HDAC11: variants seen among roughly 807,000 people sequenced by gnomAD.
HDAC11 encodes the protein histone deacetylase 11.
Under a neutral mutation model 41.1 loss-of-function variants are expected in HDAC11, and 23 were observed. The ratio of observed to expected loss-of-function variants is 0.56; its 90% CI spans 0.40 to 0.79. HDAC11 has a LOEUF of 0.79. HDAC11 is among the 30% of genes least tolerant of loss of function. The probability of loss-of-function intolerance (pLI) is 0.00; values close to 1 mark genes in which losing one functional copy is unlikely to be tolerated. For missense variants in HDAC11, 402 were observed against 477.3 expected (o/e 0.84, Z 1.47); for synonymous variants, 187 against 186.6 (o/e 1.00, Z -0.02).
chr3:13,496,527 ACTG>A, intron 3 of HDAC11: 1 of 490,266 alleles, frequency 2.0e-6, no homozygotes, highest in African/African-American at 2.0e-5. Context: ...CATTGTGTAA[ACTG>A]CTCTTTACTG....
At chr3:13,492,807 G>T (rs1701926835) in intron 3 of HDAC11, among the ~76,000 whole-genome samples, 1 of 152,166 alleles carries the variant, frequency 6.6e-6, no homozygotes, top group Admixed American at 6.5e-5. Flanking sequence ...GCCTCCCAAA[G>T]TTCTGGGATT....
At chr3:13,496,996 C>T (rs1481207716) in intron 4 of HDAC11, 144 bp downstream of exon 4, 2 of 512,172 alleles carry the variant, frequency 3.9e-6, no homozygotes, top group South Asian at 3.0e-5. Flanking sequence ...AACAATGACC[C>T]TTTCTCCAAA....
At chr3:13,481,215 A>T (rs757324125) in intron 1 of HDAC11, 31 bp from the exon 2 acceptor site, 2 of 1,602,546 alleles carry the variant, frequency 1.2e-6, no homozygotes, top group Non-Finnish European at 1.7e-6. Flanking sequence ...AGGCTGCCCC[A>T]GCTGTGCGTC....
At position 13,481,312 on chromosome 3, in the gene HDAC11, C is replaced by A. The variant is rs202185719; in HGVS notation, c.69C>A (p.Arg23=). The change falls in exon 2 of 10, where the codon CGC becomes CGA. Residue 23 remains arginine, a synonymous_variant. Coordinates refer to ENST00000295757, the MANE Select transcript of HDAC11 (RefSeq NM_024827.4). ...GCTGGCCAATCGTGTACTCGCCGCGCTACAACATCACCTTCATGGGCCTGG... is the reference window on the plus strand; with the variant it reads ...GCTGGCCAATCGTGTACTCGCCGCGATACAACATCACCTTCATGGGCCTGG... ...ETRWPIVYSP[R]YNITFMGLEK... is the part of the protein sequence containing the mutation. 1.3e-5 allele frequency: 21 copies of A among 1,613,702 alleles called. No homozygotes were observed. In the East Asian group the frequency reaches 4.2e-4, roughly 33 times the overall value.
chr3:13,501,736 T>C, intron 6 of HDAC11, 135 bp from the exon 7 acceptor site: 1 of 779,828 alleles, frequency 1.3e-6, no homozygotes, highest in African/African-American at 1.7e-5. Context: ...GCAAGTGACA[T>C]CTTTGCTGGG....
Position 13,480,428 on chromosome 3 carries a change from G to T in HDAC11, c.2+79G>T, listed in dbSNP as rs1418080005. The T allele has an allele frequency of 2.2e-6, 2 of 903,906 alleles. No individual in the cohort carries two copies. Among genetic ancestry groups the T allele is most frequent in the Non-Finnish European group, 1.4e-6 (1 of 700,780 alleles). 56.0% of individuals were successfully genotyped at this position (903,906 alleles called of 1,614,324 possible). A position where few individuals can be genotyped will look rare whatever the true frequency, so the allele number is the denominator to read the frequency against. On this transcript the variant is annotated intron_variant, in intron 1 of 9. Coordinates refer to ENST00000295757, the MANE Select transcript of HDAC11 (RefSeq NM_024827.4). This position sits in a 1 kb window ranked among gnomAD's most constrained non-coding sequence, Gnocchi z 4.6. ...GGCGCGCTAGGGCGAGGGCGGGGACGGCCGGGCGGGCGCGCCAGGTAAGGG... is the reference window on the plus strand; with the variant it reads ...GGCGCGCTAGGGCGAGGGCGGGGACTGCCGGGCGGGCGCGCCAGGTAAGGG...
intron 3 of HDAC11, among the ~76,000 whole-genome samples, chr3:13,490,854 G>A (rs1206765806): frequency 2.1e-5 from 3 of 141,694 alleles, no homozygotes; most frequent in African/African-American, 5.2e-5. Context: ...AGGTTCAAGC[G>A]ATTTTTCTGC....
In HDAC11 at chr3:13,502,679, C is replaced by T; in HGVS notation, c.553-205C>T. On this transcript the variant is annotated intron_variant, in intron 7 of 9. Transcript: ENST00000295757. The surrounding 1 kb of genome is among the most constrained non-coding windows in gnomAD (Gnocchi z 4.1). ...AGGGAACCTAAGAGCACTGGGCTTG[C>T]TCAAGCCCATGCTAGAAGGTGTCGG... 1.8e-6 allele frequency: 1 copy of T among 540,690 alleles called. No homozygotes were observed. The highest frequency in any genetic ancestry group is 3.3e-5 in the East Asian group (1 of 30,710). The allele number at this position is 540,690 out of a possible 1,614,324, so 33.5% of individuals were successfully genotyped here.
chr3:13,500,804 A>C lies in HDAC11; in HGVS notation c.489+15A>C. 8 of 1,519,906 alleles carry C rather than the reference A, an allele frequency of 5.3e-6. No homozygotes were observed. The highest frequency in any genetic ancestry group is 7.1e-6 in the Non-Finnish European group (8 of 1,125,630). 94.2% of individuals were successfully genotyped at this position (1,519,906 alleles called of 1,614,324 possible). Reference sequence around the variant, plus strand: ...TCGCCATCAAGGTGTGTCTATGAGCAAGTGGGGTCTCGCCTCCAAGAGCCC... The same window carrying C: ...TCGCCATCAAGGTGTGTCTATGAGCCAGTGGGGTCTCGCCTCCAAGAGCCC... On this transcript the variant is annotated intron_variant, in intron 6 of 9. Coordinates refer to ENST00000295757, the MANE Select transcript of HDAC11 (RefSeq NM_024827.4).
chr3:13,504,530 T>C lies in HDAC11; in HGVS notation c.891T>C (p.Leu297=), dbSNP rs779780379. The C allele has an allele frequency of 6.2e-7, 1 of 1,613,554 alleles. No individual in the cohort carries two copies. The highest frequency in any genetic ancestry group is 8.5e-7 in the Non-Finnish European group (1 of 1,180,020). ...TCCGTGGCCGCCGGGTGCCCATCCT[T>C]ATGGTGACCTCAGGCGGGTACCAGA... The part of the protein sequence containing the change: ...RMVRGRRVPI[L]MVTSGGYQKR... Residue 297 remains leucine (L), a synonymous_variant, in exon 10 of 10, where the codon CTT becomes CTC. Transcript: ENST00000295757.
At position 13,502,131 on chromosome 3, in the gene HDAC11, TCCTC is replaced by T; in HGVS notation, c.552+208_552+211del. 3 of 572,520 alleles carry T rather than the reference TCCTC, an allele frequency of 5.2e-6. No homozygotes were observed. Among genetic ancestry groups the T allele is most frequent in the Non-Finnish European group, 6.2e-6 (2 of 322,366 alleles). The allele number at this position is 572,520 out of a possible 1,614,324, so 35.5% of individuals were successfully genotyped here. A position where few individuals can be genotyped will look rare whatever the true frequency, so the allele number is the denominator to read the frequency against. ...GGGTCCTCCTCATTGCTCCCGAGGGTCCTCCCTCCCTCCTCCTGACTGCCCCCAC... is the reference window on the plus strand; with the variant it reads ...GGGTCCTCCTCATTGCTCCCGAGGGTCCTCCCTCCTCCTGACTGCCCCCAC... On this transcript the variant is annotated intron_variant, in intron 7 of 9. Transcript: ENST00000295757. The surrounding 1 kb of genome is among the most constrained non-coding windows in gnomAD (Gnocchi z 4.1).
chr3:13,483,683 A>G (rs1330121119), intron 3 of HDAC11, 119 bp downstream of exon 3: 1 of 734,164 alleles, frequency 1.4e-6, no homozygotes, highest in African/African-American at 1.7e-5. Context: ...GCACCCATTC[A>G]TGTCCCTAGT....
chr3:13,503,948 C>T, intron 8 of HDAC11, 146 bp from the exon 9 acceptor site: 5 of 725,360 alleles, frequency 6.9e-6, no homozygotes, highest in Admixed American at 2.7e-5. Flanking sequence ...TCTTGGTGCT[C>T]TTTTCACCTT....
At chr3:13,489,733 A>G (rs905947255) in intron 3 of HDAC11, among the ~76,000 whole-genome samples, 8 of 151,924 alleles carry the variant, frequency 5.3e-5, no homozygotes, top group Admixed American at 5.2e-4. Context: ...TGCCTGGCTA[A>G]TTTTTGTGTT....
intron 3 of HDAC11, among the ~76,000 whole-genome samples, chr3:13,487,582 G>A (rs1701655849): frequency 6.6e-6 from 1 of 152,234 alleles, no homozygotes; most frequent in Non-Finnish European, 1.5e-5. Context: ...GCTCCCCAGT[G>A]CCCCAGCACT....
intron 6 of HDAC11, 44 bp from the exon 7 acceptor site, chr3:13,501,827 C>A: frequency 6.3e-7 from 1 of 1,586,474 alleles, no homozygotes; most frequent in Non-Finnish European, 8.7e-7. Flanking sequence ...GCTGGGTCCT[C>A]TGTCCGCCCC....
rs1392499419 is a variant in HDAC11 at position 13,505,772 on chromosome 3, A to G, written c.*1089A>G. 1 of 152,248 alleles carries G rather than the reference A, an allele frequency of 6.6e-6. No homozygotes were observed. Among genetic ancestry groups the G allele is most frequent in the East Asian group, 1.9e-4 (1 of 5,182 alleles). 9.4% of individuals were successfully genotyped at this position (152,248 alleles called of 1,614,324 possible). A position where few individuals can be genotyped will look rare whatever the true frequency, so the allele number is the denominator to read the frequency against. On this transcript the variant is annotated 3_prime_UTR_variant, in exon 10 of 10. Coordinates refer to ENST00000295757, the MANE Select transcript of HDAC11 (RefSeq NM_024827.4). ...GGCCTCACCAAAGTGCCTGGGCCCC[A>G]ATCCTTCTCCATGCCCAGGGGCCCC...
chr3:13,499,105 G>T (rs750844279), intron 5 of HDAC11, among the ~76,000 whole-genome samples: 1 of 152,198 alleles, frequency 6.6e-6, no homozygotes, highest in Non-Finnish European at 1.5e-5. Flanking sequence ...AGTCTCCCTT[G>T]TCCCTGTCAT....
intron 8 of HDAC11, chr3:13,503,242 G>A (rs1020741017): frequency 7.4e-5 from 23 of 310,000 alleles, no homozygotes; most frequent in African/African-American, 4.3e-4. Flanking sequence ...AAGAAAAATA[G>A]GATAAATTTG....
Sources: allele counts gnomAD v4.1 joint callset (sites outside exome capture counted in the v4.1 genomes callset), GRCh38; gene constraint gnomAD v4.1.1; non-coding constraint Gnocchi (gnomAD v3.1); transcripts MANE v1.5; gene names NCBI Gene and HGNC (gene_info 2026-07-23, HGNC 2026-07-21).